Variants in GNE observed in about 807,000 individuals in gnomAD.
GNE encodes the protein bifunctional UDP-N-acetylglucosamine 2-epimerase/N-acetylmannosamine kinase.
A neutral mutation model predicts 61.8 loss-of-function variants in GNE; 41 were observed. The observed-to-expected ratio is 0.66, with a 90% CI of 0.52 to 0.86. The LOEUF is 0.86. Ranked by LOEUF, GNE falls within the 40% of genes least tolerant of loss-of-function variation. GNE has a pLI of 0.00. For missense variants in GNE, 608 were observed against 909.1 expected, an observed-to-expected ratio of 0.67 and a Z score of 4.26; for synonymous variants, 264 against 326.4, an observed-to-expected ratio of 0.81 and a Z score of 2.06.
chr9:36,257,575 G>A (rs1830410750), intron 1 of GNE, among the ~76,000 whole-genome samples: 1 of 151,680 alleles, frequency 6.6e-6, no homozygotes, highest in Non-Finnish European at 1.5e-5. Context: ...AGGCCGAGGT[G>A]GGCGGATCAC....
At chr9:36,273,580 AC>A (rs1831126839) in intron 1 of GNE, among the ~76,000 whole-genome samples, 1 of 151,364 alleles carries the variant, frequency 6.6e-6, no homozygotes, top group African/African-American at 2.4e-5. Flanking sequence ...GCACCCAATG[AC>A]ATTTCTTACC....
chr9:36,220,625 T>A (rs901658136), intron 9 of GNE, among the ~76,000 whole-genome samples: 1 of 152,194 alleles, frequency 6.6e-6, no homozygotes, highest in African/African-American at 2.4e-5. Flanking sequence ...CAAAAAACCA[T>A]ACCTGTACCT....
upstream of GNE, among the ~76,000 whole-genome samples, chr9:36,262,518 A>T (rs539754029): frequency 4.5e-4 from 69 of 152,268 alleles, no homozygotes; most frequent in Non-Finnish European, 5.9e-5. Flanking sequence ...AATCGTCACT[A>T]GTTAAGTTTG....
intron 1 of GNE, among the ~76,000 whole-genome samples, chr9:36,273,785 C>T (rs1831135214): frequency 6.6e-6 from 1 of 151,256 alleles, no homozygotes; most frequent in Admixed American, 6.6e-5. Context: ...ATTACAGGCA[C>T]CTGCCACCGC....
chr9:36,272,825 C>A (rs1466801883), intron 1 of GNE, among the ~76,000 whole-genome samples: 1 of 149,454 alleles, frequency 6.7e-6, no homozygotes, highest in Non-Finnish European at 1.5e-5. Flanking sequence ...AAGCCCAGCA[C>A]TTTGGGAGGC....
At chr9:36,253,357 C>T (rs915142366) in intron 1 of GNE, among the ~76,000 whole-genome samples, 35 of 151,212 alleles carry the variant, frequency 2.3e-4, no homozygotes, top group African/African-American at 8.3e-4. Flanking sequence ...CTCACTGCAA[C>T]TTCCACCTCC....
At chr9:36,271,349 A>G (rs968771837) in intron 1 of GNE, among the ~76,000 whole-genome samples, 3 of 152,152 alleles carry the variant, frequency 2.0e-5, no homozygotes, top group African/African-American at 7.2e-5. Context: ...TTCCCGGAGC[A>G]CTTGTCTTTA....
upstream of GNE, among the ~76,000 whole-genome samples, chr9:36,261,868 A>G (rs1015077943): frequency 6.6e-6 from 1 of 150,630 alleles, no homozygotes; most frequent in African/African-American, 2.4e-5. Context: ...GCTTGCAGTG[A>G]GCGGAGATCG....
Position 36,245,030 on chromosome 9 carries a change from C to A in GNE, c.616+1001G>T, listed in dbSNP as rs1587336653. On this transcript the variant is annotated intron_variant, in intron 3 of 11. Coordinates refer to ENST00000642385, the MANE Select transcript of GNE (RefSeq NM_005476.7). ...CGGTGGCTCACGCTTGTAATCCCAGCACTTTGGGAGGCTGAGGTGGGCGGA... is the reference window on the plus strand; with the variant it reads ...CGGTGGCTCACGCTTGTAATCCCAGAACTTTGGGAGGCTGAGGTGGGCGGA... 4.0e-5 allele frequency among the ~76,000 whole-genome samples: 6 copies of A among 151,760 alleles called. No individual in the cohort carries two copies. In the South Asian group the frequency reaches 1.2e-3, roughly 32 times the overall value.
intron 3 of GNE, among the ~76,000 whole-genome samples, chr9:36,242,442 C>T (rs142458383): frequency 7.2e-5 from 11 of 152,310 alleles, no homozygotes; most frequent in East Asian, 5.8e-4. Context: ...TGTTTTGAGA[C>T]GGAGTCTCGC....
chr9:36,258,701 C>T (rs916301843), upstream of GNE, among the ~76,000 whole-genome samples: 1 of 152,260 alleles, frequency 6.6e-6, no homozygotes, highest in Non-Finnish European at 1.5e-5. Flanking sequence ...CGCCCCGAAG[C>T]GTCCTCCTCC....
At position 36,218,777 on chromosome 9, in the gene GNE, T is replaced by C. The variant is rs1053127026; in HGVS notation, c.1817-478A>G. Among the ~76,000 whole-genome samples the C allele has an allele frequency of 1.3e-5, 2 of 152,214 alleles. No individual in the cohort carries two copies. Among genetic ancestry groups the C allele is most frequent in the African/African-American group, 4.8e-5 (2 of 41,456 alleles). On this transcript the variant is annotated intron_variant, in intron 10 of 11. Transcript: ENST00000642385. The surrounding 1 kb of genome is among the most constrained non-coding windows in gnomAD (Gnocchi z 4.1). The stretch of plus-strand genomic sequence containing the variant: ...TGCCACTCCCAGCTGCATGACCCCA[T>C]GCCTGTCACCTCACCTGTACACATT...
Position 36,223,006 on chromosome 9 carries a change from C to T in GNE, c.1412-8G>A. 2 of 1,611,090 alleles carry T rather than the reference C, an allele frequency of 1.2e-6. No homozygotes were observed. The highest frequency in any genetic ancestry group is 1.7e-6 in the Non-Finnish European group (2 of 1,177,912). The stretch of plus-strand genomic sequence containing the variant: ...GGCCACCTGTGGAAATGCCTGCGCT[C>T]CACCACAAACACAAGGAAATAATGC... On this transcript the variant is annotated splice_polypyrimidine_tract_variant and splice_region_variant and intron_variant, in intron 8 of 11. Transcript: ENST00000642385.
At chr9:36,249,133 A>T in intron 2 of GNE, 59 bp downstream of exon 2, 1 of 1,428,782 alleles carries the variant, frequency 7.0e-7, no homozygotes. Context: ...TGGCTACAAA[A>T]CCCAAGCTCC....
intron 5 of GNE, among the ~76,000 whole-genome samples, chr9:36,230,897 G>C (rs1829114360): frequency 6.6e-6 from 1 of 151,784 alleles, no homozygotes; most frequent in Non-Finnish European, 1.5e-5. Context: ...CACCTGGCCT[G>C]GGTTTTAAAT....
chr9:36,237,014 TC>T (rs2133078709), intron 3 of GNE, 30 bp from the exon 4 acceptor site: 2 of 1,569,134 alleles, frequency 1.3e-6, no homozygotes, highest in East Asian at 4.5e-5. Context: ...CCACATTGCT[TC>T]ATTAGTTAAG....
At chr9:36,230,447 C>G (rs1829091789) in intron 5 of GNE, among the ~76,000 whole-genome samples, 1 of 151,942 alleles carries the variant, frequency 6.6e-6, no homozygotes, top group Non-Finnish European at 1.5e-5. Flanking sequence ...GGGCTCCATT[C>G]TCTGCCCTAT....
chr9:36,236,351 C>T (rs1020302857), intron 4 of GNE, among the ~76,000 whole-genome samples: 1 of 152,266 alleles, frequency 6.6e-6, no homozygotes. Flanking sequence ...CAGGTGCCCA[C>T]CACTGTGGCT....
At chr9:36,276,292 G>T (rs1831259616) in intron 1 of GNE, among the ~76,000 whole-genome samples, 1 of 152,018 alleles carries the variant, frequency 6.6e-6, no homozygotes, top group Non-Finnish European at 1.5e-5. Flanking sequence ...AAAACATTTG[G>T]ATTTCCATAT....
Sources: allele counts gnomAD v4.1 joint callset (sites outside exome capture counted in the v4.1 genomes callset), GRCh38; gene constraint gnomAD v4.1.1; non-coding constraint Gnocchi (gnomAD v3.1); transcripts MANE v1.5; gene names NCBI Gene and HGNC (gene_info 2026-07-23, HGNC 2026-07-21).